The following ROR1 variants were observed in gnomAD, a reference collection of about 807,000 sequenced individuals.
The protein encoded by ROR1 is ROR family WNT receptor 1, also known as inactive tyrosine-protein kinase transmembrane receptor ROR1.
A neutral mutation model predicts 78.8 loss-of-function variants in ROR1; 19 were observed. The ratio of observed to expected loss-of-function variants is 0.24; its 90% CI spans 0.17 to 0.35. The LOEUF (loss-of-function observed/expected upper bound fraction) is 0.35, where lower values mean the gene tolerates loss of function less well. Among genes scored for constraint, ROR1 ranks in the 10% least tolerant of loss-of-function variants. ROR1 has a pLI of 1.00. For missense variants in ROR1, 917 were observed against 1,177.8 expected (o/e 0.78, Z 3.24); for synonymous variants, 386 against 433.6 (o/e 0.89, Z 1.36).
chr1:64,032,615 G>C (rs1454282152), intron 2 of ROR1, among the ~76,000 whole-genome samples: 1 of 152,150 alleles, frequency 6.6e-6, no homozygotes, highest in African/African-American at 2.4e-5. Flanking sequence ...TCACTGCACA[G>C]CCTTATAACA....
intron 4 of ROR1, among the ~76,000 whole-genome samples, chr1:64,059,062 T>G (rs1055599933): frequency 6.6e-6 from 1 of 152,212 alleles, no homozygotes; most frequent in Non-Finnish European, 1.5e-5. Flanking sequence ...AGTTTATGTC[T>G]TTCTAGAAAT....
In ROR1 at chr1:64,044,731, A is replaced by G. The variant is rs181861068; in HGVS notation, c.164-4960A>G. ...AAATTATGGTTAGTTATTCTTGAAT[A>G]TTCTTTAAAATGAGGAAAATGAACC... is the stretch of plus-strand genomic sequence containing the variant. On this transcript the variant is annotated intron_variant, in intron 2 of 8. Transcript: ENST00000371079. Among the ~76,000 whole-genome samples, 496 of 152,312 alleles carry G rather than the reference A, an allele frequency of 3.3e-3. 5 individuals carry two copies. Among genetic ancestry groups the G allele is most frequent in the Admixed American group, 0.011 (167 of 15,286 alleles).
At chr1:64,033,014 GA>G (rs1646673882) in intron 2 of ROR1, among the ~76,000 whole-genome samples, 1 of 152,150 alleles carries the variant, frequency 6.6e-6, no homozygotes, top group Non-Finnish European at 1.5e-5. Context: ...TTCAGTTTGA[GA>G]AGATGAAAAA....
chr1:63,948,749 A>T (rs1195054657), intron 1 of ROR1, among the ~76,000 whole-genome samples: 4 of 152,192 alleles, frequency 2.6e-5, no homozygotes, highest in Admixed American at 2.6e-4. Flanking sequence ...GTCCTTATAA[A>T]AGAAGGCCCA....
chr1:63,916,800 ATT>A (rs1247185668), intron 1 of ROR1, among the ~76,000 whole-genome samples: 2 of 152,196 alleles, frequency 1.3e-5, no homozygotes, highest in Admixed American at 6.5e-5. Flanking sequence ...AAAGTGGATC[ATT>A]TTACTCTCCT....
intron 7 of ROR1, among the ~76,000 whole-genome samples, chr1:64,144,610 A>G (rs1649426506): frequency 1.3e-5 from 2 of 152,286 alleles, no homozygotes; most frequent in South Asian, 4.1e-4. Flanking sequence ...TCCAGCTTCT[A>G]TCATCCTCAT....
rs559899550 is a variant in ROR1 at position 64,125,837 on chromosome 1, G to A, written c.483-11532G>A. ...GCCATAGCAGAGAAACATAGAGTGC[G>A]CTTTTATAAACATTTATTTGGTGCC... is the stretch of plus-strand genomic sequence containing the variant. On this transcript the variant is annotated intron_variant, in intron 4 of 8. Coordinates refer to ENST00000371079, the MANE Select transcript of ROR1 (RefSeq NM_005012.4). Among the ~76,000 whole-genome samples the A allele has an allele frequency of 5.9e-5, 9 of 152,222 alleles. No individual in the cohort carries two copies. In the East Asian group the frequency reaches 7.7e-4, roughly 13 times the overall value.
chr1:64,087,383 T>C (rs1309535921), intron 4 of ROR1, among the ~76,000 whole-genome samples: 1 of 152,210 alleles, frequency 6.6e-6, no homozygotes, highest in Non-Finnish European at 1.5e-5. Context: ...TGGATGGCGA[T>C]TGTGTTCTGC....
At position 64,158,246 on chromosome 1, in the gene ROR1, T is replaced by C. The variant is rs1649832685; in HGVS notation, c.1175-735T>C. On this transcript the variant is annotated intron_variant, in intron 7 of 8. Coordinates refer to ENST00000371079, the MANE Select transcript of ROR1 (RefSeq NM_005012.4). ...TAATTATTGGGCTCATATGAAACCA[T>C]TTAAGAATTCTGGGGTTTCAATAAA... 3.9e-5 allele frequency among the ~76,000 whole-genome samples: 6 copies of C among 152,346 alleles called. 1 individual carries two copies. In the South Asian group the frequency reaches 1.0e-3, roughly 26 times the overall value.
At chr1:64,138,421 G>A (rs528968505) in intron 5 of ROR1, among the ~76,000 whole-genome samples, 15 of 152,122 alleles carry the variant, frequency 9.9e-5, no homozygotes, top group Non-Finnish European at 2.1e-4. Flanking sequence ...TAGGGTCTAG[G>A]AGAGGTAAGA....
intron 4 of ROR1, among the ~76,000 whole-genome samples, chr1:64,084,236 C>G (rs1038662170): frequency 2.6e-5 from 4 of 152,202 alleles, no homozygotes; most frequent in African/African-American, 9.6e-5. Flanking sequence ...CCACAATGCT[C>G]TATGTCAGAA....
intron 1 of ROR1, among the ~76,000 whole-genome samples, chr1:63,797,829 T>C (rs912806186): frequency 3.3e-5 from 5 of 151,998 alleles, no homozygotes; most frequent in African/African-American, 7.3e-5. Context: ...TTGTTGTTGT[T>C]TTAAAGCAGG....
intron 1 of ROR1, among the ~76,000 whole-genome samples, chr1:63,818,961 C>G (rs761608991): frequency 6.6e-5 from 10 of 152,042 alleles, no homozygotes; most frequent in Non-Finnish European, 1.2e-4. Flanking sequence ...GTTCCAGGGT[C>G]TCAGTGGGAG....
At chr1:63,995,074 A>T (rs1266546520) in intron 1 of ROR1, among the ~76,000 whole-genome samples, 1 of 152,212 alleles carries the variant, frequency 6.6e-6, no homozygotes, top group Non-Finnish European at 1.5e-5. Context: ...TAAAAGCTGC[A>T]GGTGGAATGC....
chr1:63,796,802 A>G (rs552335067), intron 1 of ROR1, among the ~76,000 whole-genome samples: 23 of 152,242 alleles, frequency 1.5e-4, no homozygotes, highest in African/African-American at 5.3e-4. Flanking sequence ...GAGGTGACTG[A>G]AGGTGGAAAT....
intron 4 of ROR1, among the ~76,000 whole-genome samples, chr1:64,127,914 C>T (rs1347303455): frequency 6.6e-6 from 1 of 152,104 alleles, no homozygotes; most frequent in East Asian, 1.9e-4. Context: ...ACATCAGCCT[C>T]AGCAATCACA....
intron 1 of ROR1, among the ~76,000 whole-genome samples, chr1:63,974,697 G>T (rs1334660911): frequency 6.6e-6 from 1 of 152,096 alleles, no homozygotes; most frequent in Non-Finnish European, 1.5e-5. Context: ...GAGTGCAGTG[G>T]TATGATCGTA....
At chr1:64,170,088 G>A (rs1266135693) in intron 8 of ROR1, among the ~76,000 whole-genome samples, 1 of 152,180 alleles carries the variant, frequency 6.6e-6, no homozygotes, top group African/African-American at 2.4e-5. Flanking sequence ...GGGTCTGGAG[G>A]ACAGTGGCTC....
At chr1:64,165,528 G>A (rs897740771) in intron 8 of ROR1, among the ~76,000 whole-genome samples, 3 of 152,026 alleles carry the variant, frequency 2.0e-5, no homozygotes, top group Admixed American at 2.0e-4. Context: ...TTACTCTGTT[G>A]ATAGTTTCTT....
Sources: gnomAD v4.1 joint callset for allele counts (sites outside exome capture counted in the v4.1 genomes callset) on GRCh38, gnomAD v4.1.1 for gene constraint, MANE v1.5 for transcripts, NCBI Gene and HGNC (gene_info 2026-07-23, HGNC 2026-07-21) for gene names.